The following CLINT1 variants were observed in gnomAD, a reference collection of about 807,000 sequenced individuals.
CLINT1 encodes clathrin interacting protein localized in the trans-Golgi region.
A neutral mutation model predicts 70.4 loss-of-function variants in CLINT1; 15 were observed. The ratio of observed to expected loss-of-function variants is 0.21; its 90% CI spans 0.14 to 0.33. The LOEUF (loss-of-function observed/expected upper bound fraction) is 0.33, where lower values mean the gene tolerates loss of function less well. Ranked by LOEUF, CLINT1 falls within the 10% of genes least tolerant of loss-of-function variation. The probability of loss-of-function intolerance (pLI) is 1.00; values close to 1 mark genes in which losing one functional copy is unlikely to be tolerated. For synonymous variants in CLINT1, 227 were observed against 254.7 expected (o/e 0.89, Z 1.04); for missense variants, 615 against 778.1 (o/e 0.79, Z 2.49).
chr5:157,789,531 T>C lies in CLINT1; in HGVS notation c.1381-18A>G, dbSNP rs775594519. 1 of 1,614,002 alleles carries C rather than the reference T, an allele frequency of 6.2e-7. No individual in the cohort carries two copies. Reference sequence around the variant, plus strand: ...TCTGTATTCTGATTATAGAGAGGATTAGGCTTCTGCAGCACTGTGCTAACA... The same window carrying C: ...TCTGTATTCTGATTATAGAGAGGATCAGGCTTCTGCAGCACTGTGCTAACA... On this transcript the variant is annotated intron_variant, in intron 10 of 11. Coordinates refer to ENST00000411809, the MANE Select transcript of CLINT1 (RefSeq NM_014666.4).
chr5:157,833,670 T>C (rs1429227477), intron 1 of CLINT1, among the ~76,000 whole-genome samples: 2 of 152,078 alleles, frequency 1.3e-5, no homozygotes, highest in Non-Finnish European at 2.9e-5. Flanking sequence ...CAGACCGGTG[T>C]GGCAGCTCAC....
At chr5:157,842,405 G>A (rs1167079608) in intron 1 of CLINT1, among the ~76,000 whole-genome samples, 1 of 152,086 alleles carries the variant, frequency 6.6e-6, no homozygotes, top group Non-Finnish European at 1.5e-5. Context: ...AGTAAGCCGA[G>A]ATCCGCCACT....
chr5:157,828,154 T>C (rs373085242), intron 1 of CLINT1, among the ~76,000 whole-genome samples: 2 of 152,206 alleles, frequency 1.3e-5, no homozygotes, highest in African/African-American at 4.8e-5. Context: ...CAGGTGCTGC[T>C]GCTATTATGA....
At chr5:157,794,486 A>T (rs1762009257) in intron 9 of CLINT1, among the ~76,000 whole-genome samples, 1 of 152,238 alleles carries the variant, frequency 6.6e-6, no homozygotes, top group Non-Finnish European at 1.5e-5. Context: ...TATCTAAATT[A>T]AAAAGGAATG....
rs144348921 is a variant in CLINT1, at chr5:157,829,102, AAAC to A, written c.42-11558_42-11556del. The stretch of plus-strand genomic sequence containing the variant: ...GGGCATGGAAGCGAGACTCTGCCTC[AAAC>A]AACAACAACAGCAACAACAACAACA... On this transcript the variant is annotated intron_variant, in intron 1 of 11. Coordinates refer to ENST00000411809, the MANE Select transcript of CLINT1 (RefSeq NM_014666.4). 4.1e-3 allele frequency among the ~76,000 whole-genome samples: 625 copies of A among 152,024 alleles called. 27 individuals are homozygous for A. The East Asian group carries it at 0.098, about 24-fold the overall frequency.
chr5:157,803,942 C>T (rs189499790), intron 7 of CLINT1, among the ~76,000 whole-genome samples: 12 of 151,496 alleles, frequency 7.9e-5, no homozygotes, highest in Admixed American at 1.3e-4. Flanking sequence ...AACATTGACA[C>T]TTTTTTTCCT....
intron 6 of CLINT1, among the ~76,000 whole-genome samples, chr5:157,806,906 A>G (rs1762401449): frequency 6.6e-6 from 1 of 152,132 alleles, no homozygotes; most frequent in Non-Finnish European, 1.5e-5. Flanking sequence ...GAATGAAAAT[A>G]TCAGCCCTAG....
chr5:157,787,633 CT>C lies in CLINT1; in HGVS notation c.*12del, dbSNP rs1561632181. 1 of 1,609,000 alleles carries C rather than the reference CT, an allele frequency of 6.2e-7. No individual in the cohort carries two copies. Among genetic ancestry groups the C allele is most frequent in the Admixed American group, 1.7e-5 (1 of 59,828 alleles). ...TAAAAATTCTTCATTCAATCTGCTT[CT>C]TTTACAATCTCTTATTTGCTAAAAT... On this transcript the variant is annotated 3_prime_UTR_variant, in exon 12 of 12. Coordinates refer to ENST00000411809, the MANE Select transcript of CLINT1 (RefSeq NM_014666.4).
chr5:157,837,905 G>A (rs1331714071), intron 1 of CLINT1, among the ~76,000 whole-genome samples: 1 of 151,730 alleles, frequency 6.6e-6, no homozygotes, highest in African/African-American at 2.4e-5. Context: ...GCCTCCCAAA[G>A]TACTGGGATT....
At chr5:157,829,125 A>C (rs933000276) in intron 1 of CLINT1, among the ~76,000 whole-genome samples, 1 of 151,790 alleles carries the variant, frequency 6.6e-6, no homozygotes, top group African/African-American at 2.4e-5. Context: ...AGCAACAACA[A>C]CAACAACAAA....
chr5:157,846,782 C>T (rs571130440), intron 1 of CLINT1, among the ~76,000 whole-genome samples: 3 of 152,150 alleles, frequency 2.0e-5, no homozygotes, highest in Admixed American at 2.0e-4. Context: ...GTGCTCACTG[C>T]ACATTATGAA....
chr5:157,854,025 A>G lies in CLINT1; in HGVS notation c.41+4905T>C, dbSNP rs1221262959. 3.3e-5 allele frequency among the ~76,000 whole-genome samples: 5 copies of G among 152,270 alleles called. No homozygotes were observed. The East Asian group carries it at 9.7e-4, about 29-fold the overall frequency. On this transcript the variant is annotated intron_variant, in intron 1 of 11. Coordinates refer to ENST00000411809, the MANE Select transcript of CLINT1 (RefSeq NM_014666.4). ...AGAAAAGGAGGAGAATAATTAATTC[A>G]TTGTTTCAGCAATAACAATTACTTA...
At chr5:157,855,288 T>C (rs1367835948) in intron 1 of CLINT1, among the ~76,000 whole-genome samples, 1 of 152,082 alleles carries the variant, frequency 6.6e-6, no homozygotes, top group African/African-American at 2.4e-5. Flanking sequence ...TCACCTTCAT[T>C]ACATTCCTCA....
intron 1 of CLINT1, among the ~76,000 whole-genome samples, chr5:157,818,467 TAAAAAA>T: frequency 1.1e-5 from 1 of 88,336 alleles, no homozygotes; most frequent in African/African-American, 4.2e-5. Context: ...ACCTGGTCTC[TAAAAAA>T]AAAAAAAAAA....
chr5:157,801,951 G>A (rs1158652637), intron 8 of CLINT1, among the ~76,000 whole-genome samples: 1 of 151,482 alleles, frequency 6.6e-6, no homozygotes, highest in Non-Finnish European at 1.5e-5. Context: ...CTGGAGTGTA[G>A]TGGCATGATC....
At chr5:157,837,389 G>C (rs1470141227) in intron 1 of CLINT1, among the ~76,000 whole-genome samples, 3 of 151,064 alleles carry the variant, frequency 2.0e-5, no homozygotes, top group Admixed American at 2.0e-4. Context: ...AGGCAGGAAA[G>C]GAAGGATGGA....
chr5:157,832,804 T>C (rs1561664753), intron 1 of CLINT1, among the ~76,000 whole-genome samples: 1 of 152,152 alleles, frequency 6.6e-6, no homozygotes, highest in Non-Finnish European at 1.5e-5. Context: ...CCCAGGTCTT[T>C]GCAATTCTAT....
chr5:157,836,539 G>A (rs560769137), intron 1 of CLINT1, among the ~76,000 whole-genome samples: 1 of 152,242 alleles, frequency 6.6e-6, no homozygotes, highest in East Asian at 1.9e-4. Flanking sequence ...GTCATTAAGC[G>A]GTGTCATTTT....
At chr5:157,789,724 G>C in intron 10 of CLINT1, 3 of 648,164 alleles carry the variant, frequency 4.6e-6, no homozygotes, top group Middle Eastern at 4.2e-4. Flanking sequence ...TCCCAAAGAG[G>C]TTCCTCTGAA....
Sources: allele counts gnomAD v4.1 joint callset (sites outside exome capture counted in the v4.1 genomes callset), GRCh38; gene constraint gnomAD v4.1.1; transcripts MANE v1.5; gene names NCBI Gene and HGNC (gene_info 2026-07-23, HGNC 2026-07-21).